Variants in LRRC28 observed in about 807,000 individuals in gnomAD.
The protein encoded by LRRC28 is leucine rich repeat containing 28, also known as leucine-rich repeat-containing protein 28.
In LRRC28, 39 loss-of-function variants were observed where a neutral mutation model predicts 45.7. The observed-to-expected ratio is 0.85, with a 90% CI of 0.66 to 1.12. The LOEUF (loss-of-function observed/expected upper bound fraction) is 1.12, where lower values mean the gene tolerates loss of function less well. Among genes scored for constraint, LRRC28 ranks in the 50% most tolerant of loss-of-function variants. The pLI, the probability that LRRC28 is intolerant of heterozygous loss-of-function variation, is 0.00. For missense variants in LRRC28, 435 were observed against 438.5 expected, an observed-to-expected ratio of 0.99 and a Z score of 0.07; for synonymous variants, 206 against 178.8, an observed-to-expected ratio of 1.15 and a Z score of -1.22.
chr15:99,295,427 A>G (rs1044779906), intron 5 of LRRC28, among the ~76,000 whole-genome samples: 3 of 152,214 alleles, frequency 2.0e-5, no homozygotes, highest in African/African-American at 7.2e-5. Context: ...GAAATAAAGG[A>G]TTGTTGGGGA....
chr15:99,285,676 A>G (rs1014214742), intron 3 of LRRC28: 6 of 586,970 alleles, frequency 1.0e-5, no homozygotes, highest in South Asian at 1.0e-4. Flanking sequence ...ATATGTAGAT[A>G]ATATTTTAAA....
intron 6 of LRRC28, among the ~76,000 whole-genome samples, chr15:99,339,432 T>TA (rs1225556730): frequency 2.0e-5 from 3 of 152,138 alleles, no homozygotes; most frequent in Admixed American, 6.6e-5. Context: ...AATGTTAACT[T>TA]AAAAAAACAG....
chr15:99,382,585 G>A (rs530720490), intron 9 of LRRC28, among the ~76,000 whole-genome samples: 11 of 152,160 alleles, frequency 7.2e-5, no homozygotes, highest in African/African-American at 2.4e-4. Flanking sequence ...TAATTCCATT[G>A]TAGTTTGAGA....
At chr15:99,370,580 C>T (rs1198457905) in intron 9 of LRRC28, among the ~76,000 whole-genome samples, 1 of 151,706 alleles carries the variant, frequency 6.6e-6, no homozygotes, top group African/African-American at 2.4e-5. Flanking sequence ...ATCTACAAAA[C>T]AATATTTGAA....
In LRRC28 at chr15:99,387,525, T is replaced by TC. The variant is rs1958061413; in HGVS notation, c.*1424dup. 6.6e-6 allele frequency: 1 copy of TC among 152,208 alleles called. No homozygotes were observed. The highest frequency in any genetic ancestry group is 1.5e-5 in the Non-Finnish European group (1 of 68,030). The allele number at this position is 152,208 out of a possible 1,614,324, so 9.4% of individuals were successfully genotyped here. ...GGAAAAGCAGGTCCAAATTCAGCCT[T>TC]CGACTTCTGCAAAAGTCCATAAACA... is the stretch of plus-strand genomic sequence containing the variant. On this transcript the variant is annotated 3_prime_UTR_variant, in exon 10 of 10. Transcript: ENST00000301981.
chr15:99,374,172 A>G (rs985819494), intron 9 of LRRC28, among the ~76,000 whole-genome samples: 2 of 152,206 alleles, frequency 1.3e-5, no homozygotes, highest in Non-Finnish European at 2.9e-5. Flanking sequence ...CTTTAACTTT[A>G]TAGATTAATT....
At chr15:99,257,330 A>G (rs549172898) in intron 2 of LRRC28, among the ~76,000 whole-genome samples, 1 of 152,298 alleles carries the variant, frequency 6.6e-6, no homozygotes, top group East Asian at 1.9e-4. Flanking sequence ...ATGAAACCAT[A>G]TTAGTACTTT....
intron 2 of LRRC28, among the ~76,000 whole-genome samples, chr15:99,267,493 T>C (rs1231073591): frequency 6.6e-6 from 1 of 152,244 alleles, no homozygotes; most frequent in Non-Finnish European, 1.5e-5. Flanking sequence ...TCCTTGCAGC[T>C]TGAACTGCTG....
intron 5 of LRRC28, among the ~76,000 whole-genome samples, chr15:99,318,597 A>G (rs1370974279): frequency 6.6e-6 from 1 of 152,056 alleles, no homozygotes; most frequent in Non-Finnish European, 1.5e-5. Flanking sequence ...TGAGAACTCT[A>G]AACAAGAGCA....
At chr15:99,320,072 G>T (rs1444305115) in intron 5 of LRRC28, among the ~76,000 whole-genome samples, 1 of 152,110 alleles carries the variant, frequency 6.6e-6, no homozygotes, top group African/African-American at 2.4e-5. Flanking sequence ...TTCCTGAAGT[G>T]CTGGGATTAC....
At chr15:99,283,629 A>C (rs1171013229) in intron 3 of LRRC28, among the ~76,000 whole-genome samples, 2 of 151,314 alleles carry the variant, frequency 1.3e-5, no homozygotes, top group Non-Finnish European at 2.9e-5. Flanking sequence ...AAAAAAAAAA[A>C]AAAAAAGGAA....
intron 5 of LRRC28, among the ~76,000 whole-genome samples, chr15:99,324,090 C>T (rs1955889398): frequency 6.6e-6 from 1 of 152,068 alleles, no homozygotes; most frequent in Non-Finnish European, 1.5e-5. Context: ...TTCCAAGACC[C>T]CCCGTGGGTG....
At chr15:99,314,367 G>A (rs1955517248) in intron 5 of LRRC28, among the ~76,000 whole-genome samples, 1 of 152,036 alleles carries the variant, frequency 6.6e-6, no homozygotes. Context: ...AAGCTTGGGA[G>A]GTTAAGGCTG....
intron 6 of LRRC28, among the ~76,000 whole-genome samples, chr15:99,348,305 G>C (rs1202091707): frequency 2.0e-5 from 3 of 151,854 alleles, no homozygotes; most frequent in Admixed American, 6.6e-5. Context: ...TTTTGTTTTT[G>C]TAGCCTGAGC....
intron 5 of LRRC28, among the ~76,000 whole-genome samples, chr15:99,304,778 G>A (rs539803392): frequency 4.4e-4 from 67 of 152,156 alleles, no homozygotes; most frequent in African/African-American, 1.5e-3. Flanking sequence ...TGTATAGGTA[G>A]CAATGTTAAC....
chr15:99,385,333 A>T (rs894250367), intron 9 of LRRC28, among the ~76,000 whole-genome samples: 2 of 152,192 alleles, frequency 1.3e-5, no homozygotes, highest in African/African-American at 4.8e-5. Context: ...ATAGAAAACA[A>T]TCAGCACAGG....
chr15:99,355,159 T>G lies in LRRC28; in HGVS notation c.695+2688T>G, dbSNP rs118089232. On this transcript the variant is annotated intron_variant, in intron 7 of 9. Transcript: ENST00000301981. ...CATGGAAATGCAAACAAAGTTAGCT[T>G]CTTCTTATTCTATGTTTATTTGTCA... Among the ~76,000 whole-genome samples, 1,437 of 152,338 alleles carry G rather than the reference T, an allele frequency of 9.4e-3. 10 individuals are homozygous for G. Among genetic ancestry groups the G allele is most frequent in the Non-Finnish European group, 0.014 (969 of 68,030 alleles).
intron 5 of LRRC28, among the ~76,000 whole-genome samples, chr15:99,300,548 C>G (rs957470077): frequency 2.0e-5 from 3 of 152,108 alleles, no homozygotes; most frequent in Non-Finnish European, 4.4e-5. Context: ...CACAATTGGC[C>G]GGGCACCATG....
chr15:99,270,675 T>C (rs2081454307), intron 2 of LRRC28, among the ~76,000 whole-genome samples: 1 of 152,236 alleles, frequency 6.6e-6, no homozygotes, highest in African/African-American at 2.4e-5. Context: ...TACCCATTCA[T>C]CTACTGATGG....
Sources: allele counts gnomAD v4.1 joint callset (sites outside exome capture counted in the v4.1 genomes callset), GRCh38; gene constraint gnomAD v4.1.1; transcripts MANE v1.5; gene names NCBI Gene and HGNC (gene_info 2026-07-23, HGNC 2026-07-21).